MPPED1: variants seen among roughly 807,000 people sequenced by gnomAD.
MPPED1 encodes the protein metallophosphoesterase domain-containing protein 1.
A neutral mutation model predicts 36.2 loss-of-function variants in MPPED1; 16 were observed. The ratio of observed to expected loss-of-function variants is 0.44; its 90% confidence interval spans 0.30 to 0.67. The LOEUF (loss-of-function observed/expected upper bound fraction) is 0.67, where lower values mean the gene tolerates loss of function less well. MPPED1 is among the 30% of genes least tolerant of loss of function. MPPED1 has a pLI of 0.10. For synonymous variants in MPPED1, 199 were observed against 191.3 expected, an observed-to-expected ratio of 1.04 and a Z score of -0.33; for missense variants, 307 against 453.4, an observed-to-expected ratio of 0.68 and a Z score of 2.93.
rs957749258 is a variant in MPPED1 at position 43,474,303 on chromosome 22, G to T, written c.407-433G>T. On this transcript the variant is annotated intron_variant, in intron 3 of 6. Transcript: ENST00000443721. This position sits in a 1 kb window ranked among gnomAD's most constrained non-coding sequence, Gnocchi z 5.2. ...AGGCCAGGCACTCTGCAGCTCAGCA[G>T]CCTGGGAGGAACCTGTCCAGCCTCT... Among the ~76,000 whole-genome samples the T allele has an allele frequency of 1.3e-5, 2 of 152,246 alleles. No homozygotes were observed. Among genetic ancestry groups the T allele is most frequent in the African/African-American group, 4.8e-5 (2 of 41,470 alleles).
At chr22:43,437,546 C>T (rs1209898593) in intron 3 of MPPED1, among the ~76,000 whole-genome samples, 1 of 152,086 alleles carries the variant, frequency 6.6e-6, no homozygotes, top group Non-Finnish European at 1.5e-5. Flanking sequence ...GGTGAAGCCT[C>T]CCTAATTGGA....
chr22:43,412,666 C>G (rs1044622041), intron 1 of MPPED1, among the ~76,000 whole-genome samples: 1 of 126,772 alleles, frequency 7.9e-6, no homozygotes, highest in African/African-American at 3.0e-5. Flanking sequence ...TCATCCCTCC[C>G]TCCCATCCAT....
chr22:43,433,131 C>T (rs1181324602), intron 2 of MPPED1, among the ~76,000 whole-genome samples: 1 of 151,850 alleles, frequency 6.6e-6, no homozygotes, highest in African/African-American at 2.4e-5. Context: ...TCACTGGGGG[C>T]CCCAGAGGAC....
chr22:43,454,383 C>T (rs1448634402), intron 3 of MPPED1, among the ~76,000 whole-genome samples: 1 of 152,180 alleles, frequency 6.6e-6, no homozygotes, highest in Non-Finnish European at 1.5e-5. Flanking sequence ...TGGTTCACTG[C>T]AGCCTTGATC....
intron 3 of MPPED1, among the ~76,000 whole-genome samples, chr22:43,468,884 G>A (rs1333853586): frequency 6.6e-6 from 1 of 152,178 alleles, no homozygotes; most frequent in Non-Finnish European, 1.5e-5. Context: ...GTTGATGAGG[G>A]GAGGTGGATG....
At position 43,487,192 on chromosome 22, in the gene MPPED1, T is replaced by G. The variant is rs574196639; in HGVS notation, c.633-11043T>G. ...AGTCAGGGTGGAGAGGGGACACCTG[T>G]GCTGGGGGAGGCAGGTGATCAAGAG... On this transcript the variant is annotated intron_variant, in intron 4 of 6. Coordinates refer to ENST00000443721, the MANE Select transcript of MPPED1 (RefSeq NM_001044370.2). 9.7e-4 allele frequency among the ~76,000 whole-genome samples: 147 copies of G among 152,204 alleles called. 1 individual carries two copies. The highest frequency in any genetic ancestry group is 3.3e-3 in the African/African-American group (137 of 41,532).
At chr22:43,450,300 A>T (rs1030873619) in intron 3 of MPPED1, among the ~76,000 whole-genome samples, 6 of 152,330 alleles carry the variant, frequency 3.9e-5, no homozygotes, top group African/African-American at 7.2e-5. Flanking sequence ...GCCTGGCCAC[A>T]TGCCTGCTGG....
chr22:43,474,788 C>T lies in MPPED1; in HGVS notation c.459C>T (p.Thr153=), dbSNP rs1386619220. The change falls in exon 4 of 7, where the codon ACC becomes ACT. Residue 153 remains threonine (T), a synonymous_variant. Coordinates refer to ENST00000443721, the MANE Select transcript of MPPED1 (RefSeq NM_001044370.2). The surrounding 1 kb of genome is among the most constrained non-coding windows in gnomAD (Gnocchi z 5.2). ...TGATCGCAGGCAACCACGAGCTGAC[C>T]TTTGACCAGGAGTTCATGGCCGACC... ...KIVIAGNHEL[T]FDQEFMADLI... 1.2e-6 allele frequency: 2 copies of T among 1,614,086 alleles called. No individual in the cohort carries two copies. The highest frequency in any genetic ancestry group is 2.2e-5 in the South Asian group (2 of 91,088).
chr22:43,492,075 G>C (rs1932123540), intron 4 of MPPED1, among the ~76,000 whole-genome samples: 1 of 151,938 alleles, frequency 6.6e-6, no homozygotes, highest in Admixed American at 6.5e-5. Context: ...GGTGATTATA[G>C]GGATAATTGA....
intron 3 of MPPED1, among the ~76,000 whole-genome samples, chr22:43,465,532 G>T (rs188232470): frequency 2.7e-4 from 41 of 152,336 alleles, no homozygotes; most frequent in African/African-American, 9.4e-4. Flanking sequence ...AACAAGGCAG[G>T]GGCCTCGAAG....
At chr22:43,462,276 TGCATTCAG>T in intron 3 of MPPED1, among the ~76,000 whole-genome samples, 1 of 152,314 alleles carries the variant, frequency 6.6e-6, no homozygotes, top group Admixed American at 6.5e-5. Flanking sequence ...ACATTTTATT[TGCATTCAG>T]GCAATGAATG....
At chr22:43,480,707 A>C (rs972853495) in intron 4 of MPPED1, among the ~76,000 whole-genome samples, 2 of 152,046 alleles carry the variant, frequency 1.3e-5, no homozygotes, top group African/African-American at 2.4e-5. Context: ...GGAAGTTTTA[A>C]ATTTTGGTGT....
intron 3 of MPPED1, among the ~76,000 whole-genome samples, chr22:43,464,791 T>C (rs747051610): frequency 6.6e-6 from 1 of 152,198 alleles, no homozygotes; most frequent in Non-Finnish European, 1.5e-5. Flanking sequence ...TGGTTTTAGT[T>C]TTCTTTGCTC....
intron 4 of MPPED1, among the ~76,000 whole-genome samples, chr22:43,493,067 A>G (rs1221753124): frequency 1.3e-5 from 2 of 152,208 alleles, no homozygotes; most frequent in African/African-American, 2.4e-5. Flanking sequence ...TTTGACCCCA[A>G]ATAACCAGTG....
In MPPED1 at chr22:43,450,746, G is replaced by T. The variant is rs12157492; in HGVS notation, c.406+15531G>T. ...GACTTTTTTTTTCTTTCTTTTTTGAGTCAGAGTTTCGTTCTTGCTGCCTAG... is the reference window on the plus strand; with the variant it reads ...GACTTTTTTTTTCTTTCTTTTTTGATTCAGAGTTTCGTTCTTGCTGCCTAG... On this transcript the variant is annotated intron_variant, in intron 3 of 6. Transcript: ENST00000443721. Among the ~76,000 whole-genome samples the T allele has an allele frequency of 5.2e-3, 795 of 151,950 alleles. 8 individuals are homozygous for T. Among genetic ancestry groups the T allele is most frequent in the African/African-American group, 0.019 (769 of 41,436 alleles).
At chr22:43,490,948 G>A (rs1302554988) in intron 4 of MPPED1, among the ~76,000 whole-genome samples, 1 of 152,192 alleles carries the variant, frequency 6.6e-6, no homozygotes, top group Non-Finnish European at 1.5e-5. Flanking sequence ...CCAGTGAGAC[G>A]CTGTCGGCTC....
rs1569064599 is a variant in MPPED1 at position 43,425,275 on chromosome 22, G to A, written c.224+66G>A. On this transcript the variant is annotated intron_variant, in intron 2 of 6. Transcript: ENST00000443721. ...CCCCCTGGGGTGGGTGCATGGTCTCGGGTGCCTCCTGGTTCTGGGGGCACT... is the reference window on the plus strand; with the variant it reads ...CCCCCTGGGGTGGGTGCATGGTCTCAGGTGCCTCCTGGTTCTGGGGGCACT... The A allele has an allele frequency of 1.9e-5, 28 of 1,475,334 alleles. No individual in the cohort carries two copies. In the Admixed American group the frequency reaches 6.0e-4, roughly 32 times the overall value. The allele number at this position is 1,475,334 out of a possible 1,614,324, so 91.4% of individuals were successfully genotyped here.
At position 43,499,060 on chromosome 22, in the gene MPPED1, AGTGGTGATGGAG is replaced by A. The variant is rs1932523845; in HGVS notation, c.748+721_748+732del. The stretch of plus-strand genomic sequence containing the variant: ...TGGTGGAGGTGGTGGTGATGGAGGT[AGTGGTGATGGAG>A]GTGGTGATGGTGGAGGTGGTGGTGG... On this transcript the variant is annotated intron_variant, in intron 5 of 6. Transcript: ENST00000443721. 4.2e-5 allele frequency among the ~76,000 whole-genome samples: 6 copies of A among 141,620 alleles called. No homozygotes were observed. The South Asian group carries it at 1.2e-3, about 28-fold the overall frequency. The allele number at this position is 141,620 out of a possible 152,430, so 92.9% of individuals were successfully genotyped here.
At position 43,502,860 on chromosome 22, in the gene MPPED1, AT is replaced by A; in HGVS notation, c.862+105del. On this transcript the variant is annotated intron_variant, in intron 6 of 6. Transcript: ENST00000443721. The surrounding 1 kb of genome is among the most constrained non-coding windows in gnomAD (Gnocchi z 5.5). ...CAGCCAGAAGGGAAATAAATAGCCC[AT>A]TCCTACTGTTCGCTTTGTAACTGCT... 1.0e-6 allele frequency: 1 copy of A among 959,868 alleles called. No homozygotes were observed. Among genetic ancestry groups the A allele is most frequent in the South Asian group, 1.3e-5 (1 of 74,206 alleles). The allele number at this position is 959,868 out of a possible 1,614,324, so 59.5% of individuals were successfully genotyped here. A position where few individuals can be genotyped will look rare whatever the true frequency, so the allele number is the denominator to read the frequency against.
Sources: allele counts gnomAD v4.1 joint callset (sites outside exome capture counted in the v4.1 genomes callset), GRCh38; gene constraint gnomAD v4.1.1; non-coding constraint Gnocchi (gnomAD v3.1); transcripts MANE v1.5; gene names NCBI Gene and HGNC (gene_info 2026-07-23, HGNC 2026-07-21).